CNTNAP2: variants seen among roughly 807,000 people sequenced by gnomAD.
CNTNAP2 encodes contactin associated protein 2, also known as contactin-associated protein-like 2.
Under a neutral mutation model 155.2 loss-of-function variants are expected in CNTNAP2, and 98 were observed. The observed-to-expected ratio is 0.63, with a 90% CI of 0.54 to 0.75. CNTNAP2 has a LOEUF of 0.75. Ranked by LOEUF, CNTNAP2 falls within the 30% of genes least tolerant of loss-of-function variation. CNTNAP2 has a pLI of 0.00. For synonymous variants in CNTNAP2, 651 were observed against 631.2 expected, an observed-to-expected ratio of 1.03 and a Z score of -0.47; for missense variants, 1,727 against 1,688.1, an observed-to-expected ratio of 1.02 and a Z score of -0.40.
intron 3 of CNTNAP2, among the ~76,000 whole-genome samples, chr7:146,887,022 G>A (rs537738264): frequency 6.6e-6 from 1 of 151,854 alleles, no homozygotes; most frequent in East Asian, 1.9e-4. Flanking sequence ...TGGTGTGTCT[G>A]TATCCCCTCA....
In CNTNAP2 at chr7:147,108,242, T is replaced by G; in HGVS notation, c.646T>G (p.Phe216Val). The G allele has an allele frequency of 6.2e-7, 1 of 1,613,790 alleles. No individual in the cohort carries two copies. The highest frequency in any genetic ancestry group is 8.5e-7 in the Non-Finnish European group (1 of 1,179,814). ...KTLKDVIALNFKTSESEGVIL... is the reference protein window; with the variant it reads ...KTLKDVIALNVKTSESEGVIL... ...ACTGAAAGATGTCATTGCCTTGAAC[T>G]TTAAGACGTCTGAAAGTGAAGGAGT... is the stretch of plus-strand genomic sequence containing the variant. Residue 216 changes from phenylalanine (F) to valine (V), a missense_variant, in exon 5 of 24, where the codon TTT becomes GTT. Physicochemically the swap from Phe to Val is conservative, Grantham distance 50. Transcript: ENST00000361727.
chr7:147,433,115 CT>C (rs1188706622), intron 10 of CNTNAP2, among the ~76,000 whole-genome samples: 2 of 152,124 alleles, frequency 1.3e-5, no homozygotes, highest in Non-Finnish European at 2.9e-5. Context: ...AAAAAATGTC[CT>C]TGTTATAGTG....
intron 1 of CNTNAP2, among the ~76,000 whole-genome samples, chr7:146,183,237 A>G (rs529674948): frequency 1.3e-5 from 2 of 152,216 alleles, no homozygotes; most frequent in East Asian, 3.9e-4. Flanking sequence ...TCACAATATA[A>G]GGAGAAGAAA....
At chr7:146,845,473 A>C (rs1803823124) in intron 3 of CNTNAP2, among the ~76,000 whole-genome samples, 1 of 152,206 alleles carries the variant, frequency 6.6e-6, no homozygotes, top group South Asian at 2.1e-4. Flanking sequence ...TTATGTAAGT[A>C]AAGAAATTTT....
intron 14 of CNTNAP2, among the ~76,000 whole-genome samples, chr7:147,940,919 A>C (rs1728320816): frequency 6.6e-6 from 1 of 152,240 alleles, no homozygotes; most frequent in South Asian, 2.1e-4. Flanking sequence ...TTCAATCGTA[A>C]TATTTGAAGC....
chr7:147,354,422 G>A (rs774292598), intron 9 of CNTNAP2, among the ~76,000 whole-genome samples: 2 of 152,018 alleles, frequency 1.3e-5, no homozygotes, highest in Non-Finnish European at 2.9e-5. Flanking sequence ...TTTTTGTCAG[G>A]TTTGTCAAAG....
At chr7:147,034,227 T>C (rs1484892488) in intron 3 of CNTNAP2, among the ~76,000 whole-genome samples, 4 of 152,222 alleles carry the variant, frequency 2.6e-5, no homozygotes, top group African/African-American at 9.6e-5. Flanking sequence ...AAATATAATT[T>C]GTGGATAACA....
chr7:146,321,348 G>C (rs1173842205), intron 1 of CNTNAP2, among the ~76,000 whole-genome samples: 1 of 152,178 alleles, frequency 6.6e-6, no homozygotes, highest in Non-Finnish European at 1.5e-5. Context: ...GGGATGGAAA[G>C]ATTAGTGCCA....
chr7:147,424,779 C>G (rs1797351991), intron 10 of CNTNAP2, among the ~76,000 whole-genome samples: 1 of 152,160 alleles, frequency 6.6e-6, no homozygotes, highest in Admixed American at 6.6e-5. Context: ...GTTTCTCTCT[C>G]AGTTTTCTCC....
intron 12 of CNTNAP2, among the ~76,000 whole-genome samples, chr7:147,622,799 A>G (rs1332507050): frequency 1.3e-5 from 2 of 152,088 alleles, no homozygotes; most frequent in African/African-American, 4.8e-5. Context: ...AATAAATAAA[A>G]TTGAAGAAAA....
chr7:148,240,102 T>A (rs142940501), intron 20 of CNTNAP2, among the ~76,000 whole-genome samples: 237 of 152,350 alleles, frequency 1.6e-3, no homozygotes, highest in African/African-American at 5.2e-3. Context: ...TTTACTGATG[T>A]GGAATGCAAT....
chr7:147,806,188 T>C (rs1798087716), intron 13 of CNTNAP2, among the ~76,000 whole-genome samples: 1 of 152,084 alleles, frequency 6.6e-6, no homozygotes, highest in Admixed American at 6.6e-5. Context: ...GTAGGGAAAA[T>C]AGCTGAGTAG....
intron 13 of CNTNAP2, among the ~76,000 whole-genome samples, chr7:147,756,486 C>G (rs551083303): frequency 1.3e-5 from 2 of 152,232 alleles, no homozygotes; most frequent in African/African-American, 4.8e-5. Context: ...GCAGCTGGCA[C>G]TCTTGCATAA....
rs117416840 is a variant in CNTNAP2, at chr7:146,750,604, C to T, written c.98-23667C>T. Among the ~76,000 whole-genome samples the T allele has an allele frequency of 4.8e-3, 734 of 152,122 alleles. 4 individuals carry two copies. Among genetic ancestry groups the T allele is most frequent in the South Asian group, 0.022 (104 of 4,822 alleles). ...CTATTGCCTACCTAGAAGCATTTGC[C>T]GAGGATTTTCTTTTCTTTTGTCGTC... On this transcript the variant is annotated intron_variant, in intron 1 of 23. Coordinates refer to ENST00000361727, the MANE Select transcript of CNTNAP2 (RefSeq NM_014141.6).
At chr7:148,287,609 G>A (rs1919694) in intron 21 of CNTNAP2, among the ~76,000 whole-genome samples, 83,586 of 151,712 alleles carry the variant, frequency 0.55, 24,354 homozygotes, top group East Asian at 0.78. Flanking sequence ...CCCAAGAGTG[G>A]GTAATTTATA....
intron 21 of CNTNAP2, among the ~76,000 whole-genome samples, chr7:148,360,166 T>G (rs531616388): frequency 1.3e-5 from 2 of 152,208 alleles, no homozygotes; most frequent in Admixed American, 6.5e-5. Context: ...AAGCAACAAC[T>G]CCTAGCTGAC....
At chr7:146,983,050 T>G (rs548758508) in intron 3 of CNTNAP2, among the ~76,000 whole-genome samples, 1 of 152,314 alleles carries the variant, frequency 6.6e-6, no homozygotes, top group African/African-American at 2.4e-5. Flanking sequence ...TAATGTACAC[T>G]GATAGTTTTG....
intron 1 of CNTNAP2, among the ~76,000 whole-genome samples, chr7:146,417,058 A>G (rs1795947613): frequency 6.6e-6 from 1 of 152,132 alleles, no homozygotes; most frequent in Non-Finnish European, 1.5e-5. Flanking sequence ...CATGTATACA[A>G]TAGGTTTGAC....
At chr7:147,690,012 C>A (rs143328887) in intron 13 of CNTNAP2, among the ~76,000 whole-genome samples, 2,507 of 152,164 alleles carry the variant, frequency 0.016, 223 homozygotes, top group Admixed American at 0.15. Flanking sequence ...AGTGCCAAGC[C>A]TCCCTCCCCA....
Sources: gnomAD v4.1 joint callset for allele counts (sites outside exome capture counted in the v4.1 genomes callset) on GRCh38, gnomAD v4.1.1 for gene constraint, MANE v1.5 for transcripts, NCBI Gene and HGNC (gene_info 2026-07-23, HGNC 2026-07-21) for gene names.